ARHGAP10: variants seen among roughly 807,000 people sequenced by gnomAD.
The protein encoded by ARHGAP10 is rho GTPase-activating protein 10.
A neutral mutation model predicts 108.6 loss-of-function variants in ARHGAP10; 87 were observed. The ratio of observed to expected loss-of-function variants is 0.80; its 90% CI spans 0.67 to 0.96. The LOEUF (loss-of-function observed/expected upper bound fraction) is 0.96. ARHGAP10 is among the 40% of genes least tolerant of loss of function. ARHGAP10 has a pLI of 0.00. For missense variants in ARHGAP10, 939 were observed against 954.5 expected (o/e 0.98, Z 0.21); for synonymous variants, 347 against 341.1 (o/e 1.02, Z -0.19).
At chr4:147,873,947 C>T (rs1734954613) in intron 7 of ARHGAP10, among the ~76,000 whole-genome samples, 1 of 151,644 alleles carries the variant, frequency 6.6e-6, no homozygotes. Context: ...CCGTCAACAA[C>T]TGAGTTCTAC....
chr4:147,738,551 T>TC (rs796146546), intron 1 of ARHGAP10, among the ~76,000 whole-genome samples: 47 of 151,176 alleles, frequency 3.1e-4, no homozygotes, highest in African/African-American at 5.9e-4. Flanking sequence ...AGACTCTGTC[T>TC]CCCCCCCCCA....
At chr4:147,883,958 G>T (rs568381726) in intron 10 of ARHGAP10, among the ~76,000 whole-genome samples, 1 of 152,324 alleles carries the variant, frequency 6.6e-6, no homozygotes, top group South Asian at 2.1e-4. Flanking sequence ...GCCTCCCAAA[G>T]TGCTGGGATT....
Position 147,786,481 on chromosome 4 carries a change from C to T in ARHGAP10, c.155-36246C>T, listed in dbSNP as rs183632083. On this transcript the variant is annotated intron_variant, in intron 1 of 22. Coordinates refer to ENST00000336498, the MANE Select transcript of ARHGAP10 (RefSeq NM_024605.4). ...ATCTGTAGGAAGGATTTTCTTTTTC[C>T]GCTTTTTCATTGATCTCTTTCCCTT... Among the ~76,000 whole-genome samples the T allele has an allele frequency of 5.4e-3, 824 of 152,190 alleles. 2 individuals carry two copies. The highest frequency in any genetic ancestry group is 7.8e-3 in the Non-Finnish European group (529 of 68,004).
intron 16 of ARHGAP10, among the ~76,000 whole-genome samples, 155 bp from the exon 17 acceptor site, chr4:147,964,869 G>T (rs781006090): frequency 6.6e-6 from 1 of 152,214 alleles, no homozygotes; most frequent in African/African-American, 2.4e-5. Context: ...TCCTTTTAAC[G>T]GTGGCAAAAT....
chr4:147,952,968 A>G (rs1738663378), intron 15 of ARHGAP10, among the ~76,000 whole-genome samples: 2 of 152,020 alleles, frequency 1.3e-5, no homozygotes, highest in Non-Finnish European at 1.5e-5. Flanking sequence ...ATTTTTGCAT[A>G]GGGATCTCCA....
chr4:147,934,535 C>G (rs557879293), intron 13 of ARHGAP10, among the ~76,000 whole-genome samples: 32 of 152,300 alleles, frequency 2.1e-4, no homozygotes, highest in Non-Finnish European at 4.3e-4. Flanking sequence ...AGATTGTGGA[C>G]TTGTTTTAAG....
chr4:148,050,416 C>G (rs1729082898), intron 20 of ARHGAP10, among the ~76,000 whole-genome samples: 1 of 138,232 alleles, frequency 7.2e-6, no homozygotes, highest in Admixed American at 7.9e-5. Context: ...CTCTGTTGCC[C>G]AGGCTGGAGT....
chr4:147,989,201 C>T (rs912937455), intron 18 of ARHGAP10, among the ~76,000 whole-genome samples: 7 of 152,046 alleles, frequency 4.6e-5, no homozygotes, highest in Non-Finnish European at 7.4e-5. Flanking sequence ...AGGGAGTATA[C>T]GAATAGGTGT....
chr4:147,850,242 G>A (rs993943694), intron 4 of ARHGAP10, among the ~76,000 whole-genome samples: 16 of 152,152 alleles, frequency 1.1e-4, no homozygotes, highest in South Asian at 2.1e-4. Flanking sequence ...ATTAATCAGC[G>A]CTCTGTAAAA....
At chr4:147,972,467 T>C (rs1298501080) in intron 18 of ARHGAP10, among the ~76,000 whole-genome samples, 1 of 152,164 alleles carries the variant, frequency 6.6e-6, no homozygotes, top group South Asian at 2.1e-4. Context: ...AGCACACAGC[T>C]AGTAAAAGTG....
chr4:147,773,147 T>G (rs1730141947), intron 1 of ARHGAP10, among the ~76,000 whole-genome samples: 1 of 152,230 alleles, frequency 6.6e-6, no homozygotes, highest in African/African-American at 2.4e-5. Flanking sequence ...ATTGTCAAGA[T>G]AGAGTTATTT....
intron 1 of ARHGAP10, 49 bp downstream of exon 1, chr4:147,732,504 G>A (rs747647835): frequency 1.2e-6 from 2 of 1,601,442 alleles, no homozygotes; most frequent in Non-Finnish European, 8.5e-7. Context: ...CGAGGCGGCT[G>A]GGGGAGCCTC....
chr4:147,776,663 ACT>A (rs1730304072), intron 1 of ARHGAP10, among the ~76,000 whole-genome samples: 1 of 151,340 alleles, frequency 6.6e-6, no homozygotes, highest in African/African-American at 2.4e-5. Context: ...CACAAGAGAG[ACT>A]CTCCTATTCC....
In ARHGAP10 at chr4:147,804,112, G is replaced by A. The variant is rs542017032; in HGVS notation, c.155-18615G>A. 3.3e-5 allele frequency among the ~76,000 whole-genome samples: 5 copies of A among 151,634 alleles called. No individual in the cohort carries two copies. The South Asian group carries it at 1.0e-3, about 32-fold the overall frequency. On this transcript the variant is annotated intron_variant, in intron 1 of 22. Coordinates refer to ENST00000336498, the MANE Select transcript of ARHGAP10 (RefSeq NM_024605.4). ...ATTTTGTCATCCAGGTAATAAGCAT[G>A]GTACCCAATAGGTAGTTTGTTTTTG...
chr4:148,059,450 C>G (rs1003922893), intron 20 of ARHGAP10, among the ~76,000 whole-genome samples: 4 of 151,106 alleles, frequency 2.6e-5, no homozygotes, highest in Non-Finnish European at 5.9e-5. Context: ...AAAGGGACAA[C>G]AAGAAAAAAA....
chr4:147,951,672 T>C (rs1042860852), intron 15 of ARHGAP10, among the ~76,000 whole-genome samples: 3 of 152,098 alleles, frequency 2.0e-5, no homozygotes, highest in African/African-American at 7.2e-5. Flanking sequence ...AGGCTGGTCT[T>C]AAACTCGTCG....
intron 18 of ARHGAP10, among the ~76,000 whole-genome samples, chr4:148,009,593 A>T (rs377235805): frequency 5.9e-5 from 9 of 152,312 alleles, no homozygotes; most frequent in East Asian, 5.8e-4. Context: ...GATGTTTCCC[A>T]GTCTGGAAGC....
intron 20 of ARHGAP10, among the ~76,000 whole-genome samples, chr4:148,048,355 T>C (rs1311721318): frequency 6.6e-6 from 1 of 152,142 alleles, no homozygotes; most frequent in African/African-American, 2.4e-5. Flanking sequence ...AATTTGGGGG[T>C]GATCTGAAGA....
intron 18 of ARHGAP10, among the ~76,000 whole-genome samples, chr4:147,994,234 A>G (rs1432726042): frequency 6.6e-6 from 1 of 152,220 alleles, no homozygotes. Flanking sequence ...AAATTGCACA[A>G]AAGTGCTTAT....
Sources: gnomAD v4.1 joint callset for allele counts (sites outside exome capture counted in the v4.1 genomes callset) on GRCh38, gnomAD v4.1.1 for gene constraint, MANE v1.5 for transcripts, NCBI Gene and HGNC (gene_info 2026-07-23, HGNC 2026-07-21) for gene names.